The following GRID2 variants were observed in gnomAD, a reference collection of about 807,000 sequenced individuals.
GRID2 encodes the protein glutamate receptor ionotropic, delta-2.
A neutral mutation model predicts 114.8 loss-of-function variants in GRID2; 33 were observed. The observed-to-expected ratio is 0.29, with a 90% CI of 0.22 to 0.38. The LOEUF is 0.38. Among genes scored for constraint, GRID2 ranks in the 10% least tolerant of loss-of-function variants. GRID2 has a pLI of 1.00. For synonymous variants in GRID2, 505 were observed against 449.9 expected, an observed-to-expected ratio of 1.12 and a Z score of -1.55; for missense variants, 1,184 against 1,257.7, an observed-to-expected ratio of 0.94 and a Z score of 0.89.
intron 1 of GRID2, among the ~76,000 whole-genome samples, chr4:92,370,505 C>A (rs1729069791): frequency 6.6e-6 from 1 of 151,958 alleles, no homozygotes; most frequent in Non-Finnish European, 1.5e-5. Context: ...CAAAAACTAG[C>A]CAGGCGTGGT....
chr4:92,954,824 T>A (rs969828924), intron 2 of GRID2, among the ~76,000 whole-genome samples: 1 of 140,768 alleles, frequency 7.1e-6, no homozygotes, highest in African/African-American at 2.7e-5. Flanking sequence ...GTCCATGTGA[T>A]CTCATTGTTC....
chr4:93,018,109 T>G (rs922900708), intron 2 of GRID2, among the ~76,000 whole-genome samples: 4 of 151,564 alleles, frequency 2.6e-5, no homozygotes, highest in Admixed American at 1.3e-4. Context: ...GAAAGAGAGA[T>G]AGATATAATG....
At chr4:92,953,655 C>T (rs1428138582) in intron 2 of GRID2, among the ~76,000 whole-genome samples, 9 of 152,082 alleles carry the variant, frequency 5.9e-5, no homozygotes, top group Non-Finnish European at 1.3e-4. Context: ...GAACAAATCA[C>T]AGCAAATGAA....
chr4:92,798,283 A>G (rs1266798633), intron 2 of GRID2, among the ~76,000 whole-genome samples: 1 of 152,008 alleles, frequency 6.6e-6, no homozygotes, highest in Non-Finnish European at 1.5e-5. Flanking sequence ...TGCAGCATTC[A>G]GCAACAATTG....
chr4:93,463,831 T>G (rs1723993261), intron 11 of GRID2, among the ~76,000 whole-genome samples: 1 of 151,950 alleles, frequency 6.6e-6, no homozygotes, highest in South Asian at 2.1e-4. Context: ...CTACTAAAAA[T>G]ACAAAAAATT....
intron 2 of GRID2, among the ~76,000 whole-genome samples, chr4:92,646,897 T>G (rs1560508792): frequency 1.2e-3 from 2 of 1,628 alleles, no homozygotes; most frequent in Non-Finnish European, 4.9e-3. Context: ...TCTTTTTTTT[T>G]TTTTTTTTTT....
chr4:93,314,324 AAAAAAGAAGAAGAAGAAGAATG>A (rs1756349049), intron 8 of GRID2, among the ~76,000 whole-genome samples: 2 of 150,122 alleles, frequency 1.3e-5, no homozygotes, highest in African/African-American at 4.9e-5. Context: ...AAAAAAAAAA[AAAAAAGAAGAAGAAGAAGAATG>A]AAAAAAACAC....
intron 1 of GRID2, among the ~76,000 whole-genome samples, chr4:92,441,360 T>C (rs71599240): frequency 0.37 from 54,899 of 147,450 alleles, 10,970 homozygotes; most frequent in African/African-American, 0.56. Context: ...AGGTAATTTG[T>C]GGAGCTTGAT....
chr4:93,660,325 A>T (rs566233928), intron 14 of GRID2, among the ~76,000 whole-genome samples: 2 of 152,338 alleles, frequency 1.3e-5, no homozygotes, highest in African/African-American at 4.8e-5. Context: ...ATGCCAGCAG[A>T]TACATGTAGT....
intron 14 of GRID2, among the ~76,000 whole-genome samples, chr4:93,733,059 T>A (rs1730629471): frequency 6.6e-6 from 1 of 152,156 alleles, no homozygotes; most frequent in African/African-American, 2.4e-5. Context: ...CTGAAGTCAA[T>A]GCAGCTATTG....
intron 8 of GRID2, among the ~76,000 whole-genome samples, chr4:93,344,224 C>T (rs1427097538): frequency 1.3e-5 from 2 of 152,026 alleles, no homozygotes; most frequent in African/African-American, 4.8e-5. Context: ...ATTGCCAACA[C>T]TGTCATGAAT....
chr4:93,500,629 A>C (rs1578136281), intron 12 of GRID2, among the ~76,000 whole-genome samples: 1 of 152,084 alleles, frequency 6.6e-6, no homozygotes, highest in Non-Finnish European at 1.5e-5. Context: ...CAAAGATAAA[A>C]GCAAAATAAA....
chr4:92,818,494 G>A (rs1395355935), intron 2 of GRID2, among the ~76,000 whole-genome samples: 2 of 152,130 alleles, frequency 1.3e-5, no homozygotes, highest in Admixed American at 6.6e-5. Flanking sequence ...CTTAATAAGA[G>A]CTATTTTGCC....
At chr4:92,871,705 T>C (rs1002026003) in intron 2 of GRID2, among the ~76,000 whole-genome samples, 4 of 152,132 alleles carry the variant, frequency 2.6e-5, no homozygotes, top group African/African-American at 9.7e-5. Flanking sequence ...AACTCAACTT[T>C]CCAAGGTAAT....
At chr4:92,943,107 A>G (rs935841933) in intron 2 of GRID2, among the ~76,000 whole-genome samples, 2 of 152,004 alleles carry the variant, frequency 1.3e-5, no homozygotes, top group African/African-American at 4.8e-5. Flanking sequence ...CTGAATTTGA[A>G]TGTTGGCCTG....
chr4:92,548,804 C>T (rs1240877097), intron 1 of GRID2, among the ~76,000 whole-genome samples: 1 of 152,024 alleles, frequency 6.6e-6, no homozygotes, highest in African/African-American at 2.4e-5. Flanking sequence ...AGGAAACTTT[C>T]ATTCGTGGTG....
intron 2 of GRID2, among the ~76,000 whole-genome samples, chr4:92,839,646 ATATTTACTTC>A (rs1197258035): frequency 6.6e-6 from 1 of 151,562 alleles, no homozygotes; most frequent in Non-Finnish European, 1.5e-5. Flanking sequence ...ATTCCTCTTG[ATATTTACTTC>A]TATTTTTATT....
intron 3 of GRID2, among the ~76,000 whole-genome samples, chr4:93,104,807 C>A (rs552565521): frequency 6.6e-6 from 1 of 152,114 alleles, no homozygotes; most frequent in Non-Finnish European, 1.5e-5. Context: ...ATTTACAGTC[C>A]TTTGGGTATA....
intron 1 of GRID2, among the ~76,000 whole-genome samples, chr4:92,481,207 C>A (rs2149104729): frequency 6.6e-6 from 1 of 152,128 alleles, no homozygotes. Context: ...TGTTTATTAT[C>A]TTTAATTTCA....
Sources: gnomAD v4.1 joint callset for allele counts (sites outside exome capture counted in the v4.1 genomes callset) on GRCh38, gnomAD v4.1.1 for gene constraint, MANE v1.5 for transcripts, NCBI Gene and HGNC (gene_info 2026-07-23, HGNC 2026-07-21) for gene names.